The following INPP4A variants were observed in gnomAD, a reference collection of about 807,000 sequenced individuals.
The protein encoded by INPP4A is inositol polyphosphate-4-phosphatase, type I, 107kD.
INPP4A carries 33 observed loss-of-function variants against 119.8 expected under a neutral mutation model. The observed-to-expected ratio is 0.28, with a 90% CI of 0.21 to 0.37. The LOEUF is 0.37. Ranked by LOEUF, INPP4A falls within the 10% of genes least tolerant of loss-of-function variation. The pLI, the probability that INPP4A is intolerant of heterozygous loss-of-function variation, is 1.00. For synonymous variants in INPP4A, 496 were observed against 500.7 expected (o/e 0.99, Z 0.12); for missense variants, 956 against 1,289.9 (o/e 0.74, Z 3.97).
intron 21 of INPP4A, among the ~76,000 whole-genome samples, chr2:98,568,256 GAGACCA>G (rs1696830973): frequency 6.6e-6 from 1 of 152,148 alleles, no homozygotes; most frequent in South Asian, 2.1e-4. Flanking sequence ...CAGATGGGAG[GAGACCA>G]GGGACTCTGA....
At chr2:98,578,291 C>T (rs1346216664) in intron 24 of INPP4A, among the ~76,000 whole-genome samples, 1 of 152,160 alleles carries the variant, frequency 6.6e-6, no homozygotes, top group Admixed American at 6.5e-5. Context: ...ACGGCAGCCA[C>T]GCCTGTGCCC....
At chr2:98,511,329 A>T (rs190317449) in intron 1 of INPP4A, among the ~76,000 whole-genome samples, 1 of 152,284 alleles carries the variant, frequency 6.6e-6, no homozygotes, top group African/African-American at 2.4e-5. Context: ...AAGTGCTGGG[A>T]TTACTGGGCC....
At chr2:98,557,152 A>G (rs1300086547) in intron 16 of INPP4A, among the ~76,000 whole-genome samples, 1 of 152,172 alleles carries the variant, frequency 6.6e-6, no homozygotes, top group East Asian at 1.9e-4. Flanking sequence ...TTCTAGGCAC[A>G]TCCTGTATTG....
In INPP4A at chr2:98,546,708, G is replaced by A. The variant is rs1559049927; in HGVS notation, c.1163+14G>A. The stretch of plus-strand genomic sequence containing the variant: ...GACCAAGAAACAGTAAGTAGCCAGA[G>A]AGGGTTTGTGGTCCTTGTACAGCTT... On this transcript the variant is annotated intron_variant, in intron 13 of 24. Coordinates refer to ENST00000409851, the MANE Select transcript of INPP4A (RefSeq NM_001134225.2). The surrounding 1 kb of genome is among the most constrained non-coding windows in gnomAD (Gnocchi z 4.2). 6.7e-7 allele frequency: 1 copy of A among 1,493,032 alleles called. No homozygotes were observed. Among genetic ancestry groups the A allele is most frequent in the South Asian group, 1.1e-5 (1 of 88,532 alleles). The allele number at this position is 1,493,032 out of a possible 1,614,324, so 92.5% of individuals were successfully genotyped here. A position where few individuals can be genotyped will look rare whatever the true frequency, so the allele number is the denominator to read the frequency against.
Position 98,482,719 on chromosome 2 carries a change from A to G in INPP4A, c.-165-36245A>G, listed in dbSNP as rs146910403. 6.6e-3 allele frequency among the ~76,000 whole-genome samples: 1,009 copies of G among 152,360 alleles called. 17 individuals are homozygous for G. The highest frequency in any genetic ancestry group is 0.023 in the African/African-American group (944 of 41,578). On this transcript the variant is annotated intron_variant, in intron 1 of 24. Coordinates refer to ENST00000409851, the MANE Select transcript of INPP4A (RefSeq NM_001134225.2). ...GAGCAACCCTGGGATGTGATGCAAA[A>G]AGATATATGTGTCCTCTTGCATTTA...
intron 1 of INPP4A, among the ~76,000 whole-genome samples, chr2:98,489,948 A>G (rs1680358116): frequency 7.0e-6 from 1 of 143,630 alleles, no homozygotes; most frequent in African/African-American, 2.6e-5. Context: ...GTAGGATCCA[A>G]GTGCTTGTGG....
intron 1 of INPP4A, among the ~76,000 whole-genome samples, chr2:98,492,324 G>C (rs1680977047): frequency 6.6e-6 from 1 of 152,220 alleles, no homozygotes; most frequent in African/African-American, 2.4e-5. Flanking sequence ...GTTGGGGACT[G>C]TCTGTAGTAC....
At chr2:98,573,585 G>A (rs930797396) in intron 23 of INPP4A, among the ~76,000 whole-genome samples, 3 of 152,170 alleles carry the variant, frequency 2.0e-5, no homozygotes, top group African/African-American at 7.2e-5. Context: ...AGGTGGCACT[G>A]CACTGCCCAC....
intron 1 of INPP4A, among the ~76,000 whole-genome samples, chr2:98,452,295 C>G (rs1695366771): frequency 6.6e-6 from 1 of 152,160 alleles, no homozygotes; most frequent in Non-Finnish European, 1.5e-5. Flanking sequence ...GTGTGGTCCT[C>G]AGACCAGTAG....
At chr2:98,522,286 CAAA>C (rs199634396) in intron 4 of INPP4A, among the ~76,000 whole-genome samples, 5 of 56,294 alleles carry the variant, frequency 8.9e-5, no homozygotes, top group Admixed American at 1.9e-4. Context: ...GACTCTGTCT[CAAA>C]AAAAAAAAAA....
chr2:98,458,114 C>T (rs768461768), intron 1 of INPP4A, among the ~76,000 whole-genome samples: 8 of 152,054 alleles, frequency 5.3e-5, no homozygotes, highest in Non-Finnish European at 1.0e-4. Context: ...CCATCACACC[C>T]TGCCTAACTT....
At position 98,545,334 on chromosome 2, in the gene INPP4A, A is replaced by G. The variant is rs1692275351; in HGVS notation, c.950-635A>G. Among the ~76,000 whole-genome samples the G allele has an allele frequency of 2.0e-5, 3 of 152,330 alleles. No individual in the cohort carries two copies. In the South Asian group the frequency reaches 6.2e-4, roughly 32 times the overall value. ...AATTAGTTATGGATTCTGATTATAG[A>G]AACAAGATTGTGCATATTTGTTATA... is the stretch of plus-strand genomic sequence containing the variant. On this transcript the variant is annotated intron_variant, in intron 11 of 24. Transcript: ENST00000409851.
chr2:98,528,937 G>T (rs1293933045), intron 4 of INPP4A, among the ~76,000 whole-genome samples: 1 of 152,052 alleles, frequency 6.6e-6, no homozygotes, highest in Non-Finnish European at 1.5e-5. Context: ...AATTAGCTGG[G>T]CGTGGTGGCA....
At chr2:98,472,750 C>T (rs1345028299) in intron 1 of INPP4A, among the ~76,000 whole-genome samples, 1 of 152,262 alleles carries the variant, frequency 6.6e-6, no homozygotes, top group African/African-American at 2.4e-5. Context: ...TGATATTCTC[C>T]TCTTACAGAA....
intron 1 of INPP4A, among the ~76,000 whole-genome samples, chr2:98,464,824 G>T (rs1272069524): frequency 6.6e-6 from 1 of 152,220 alleles, no homozygotes; most frequent in African/African-American, 2.4e-5. Context: ...GTATTTATAT[G>T]TGACAAGCCG....
Position 98,569,686 on chromosome 2 carries a change from A to G in INPP4A, c.2518+1018A>G, listed in dbSNP as rs931242005. On this transcript the variant is annotated intron_variant, in intron 22 of 24. Transcript: ENST00000409851. The surrounding 1 kb of genome is among the most constrained non-coding windows in gnomAD (Gnocchi z 5.1). The stretch of plus-strand genomic sequence containing the variant: ...ATAGGATCCATGTCCAGATGAAGAA[A>G]GGGGTGCCTGGCTCTGAAGCCCATG... 3 of 152,282 alleles carry G rather than the reference A, an allele frequency of 2.0e-5. No homozygotes were observed. Among genetic ancestry groups the G allele is most frequent in the Non-Finnish European group, 2.9e-5 (2 of 68,146 alleles). 9.4% of individuals were successfully genotyped at this position (152,282 alleles called of 1,614,324 possible).
chr2:98,500,400 C>T (rs1250800637), intron 1 of INPP4A, among the ~76,000 whole-genome samples: 1 of 152,174 alleles, frequency 6.6e-6, no homozygotes, highest in Admixed American at 6.5e-5. Flanking sequence ...CTCCATGCAT[C>T]CTGCTCCAGG....
At chr2:98,507,959 A>G (rs565078896) in intron 1 of INPP4A, among the ~76,000 whole-genome samples, 1 of 152,168 alleles carries the variant, frequency 6.6e-6, no homozygotes, top group Non-Finnish European at 1.5e-5. Context: ...TGGCATCGTC[A>G]CTGCATCCCC....
chr2:98,580,605 T>G (rs1227294084), intron 24 of INPP4A, among the ~76,000 whole-genome samples: 1 of 152,220 alleles, frequency 6.6e-6, no homozygotes, highest in African/African-American at 2.4e-5. Context: ...CTCCGCAGCT[T>G]GGGAATTGTG....
Sources: gnomAD v4.1 joint callset for allele counts (sites outside exome capture counted in the v4.1 genomes callset) on GRCh38, gnomAD v4.1.1 for gene constraint, Gnocchi (gnomAD v3.1) non-coding constraint, MANE v1.5 for transcripts, NCBI Gene and HGNC (gene_info 2026-07-23, HGNC 2026-07-21) for gene names.